Variants in NRG1 observed in about 807,000 individuals in gnomAD.
NRG1 encodes the protein neuregulin 1, also known as pro-neuregulin-1, membrane-bound isoform.
Under a neutral mutation model 63.8 loss-of-function variants are expected in NRG1, and 18 were observed. That is an observed-to-expected ratio of 0.28 (90% CI 0.19 to 0.42). The LOEUF (loss-of-function observed/expected upper bound fraction) is 0.42, where lower values mean the gene tolerates loss of function less well. NRG1 is among the 10% of genes least tolerant of loss of function. The pLI, the probability that NRG1 is intolerant of heterozygous loss-of-function variation, is 1.00. For missense variants in NRG1, 762 were observed against 814.7 expected, an observed-to-expected ratio of 0.94 and a Z score of 0.79; for synonymous variants, 302 against 301.3, an observed-to-expected ratio of 1.00 and a Z score of -0.02.
chr8:32,477,013 T>C (rs1235046201), intron 1 of NRG1, among the ~76,000 whole-genome samples: 3 of 152,122 alleles, frequency 2.0e-5, no homozygotes, highest in Admixed American at 6.5e-5. Flanking sequence ...TGGAAGACAA[T>C]GTATGTAGAT....
At chr8:32,205,490 T>C (rs1456698975) in intron 1 of NRG1, among the ~76,000 whole-genome samples, 2 of 152,146 alleles carry the variant, frequency 1.3e-5, no homozygotes, top group Admixed American at 6.6e-5. Flanking sequence ...AAAACGCAGG[T>C]GTGTTCACCA....
intron 1 of NRG1, among the ~76,000 whole-genome samples, chr8:31,943,904 T>A (rs1009773975): frequency 9.8e-5 from 15 of 152,316 alleles, no homozygotes; most frequent in African/African-American, 3.6e-4. Flanking sequence ...TTGATTTCAA[T>A]CCTCTCACAT....
intron 1 of NRG1, among the ~76,000 whole-genome samples, chr8:31,982,595 A>G (rs1229717988): frequency 6.6e-6 from 1 of 151,998 alleles, no homozygotes; most frequent in Non-Finnish European, 1.5e-5. Flanking sequence ...GTTGGGAATG[A>G]TGACTCGGGA....
chr8:32,548,688 C>T (rs1403215315), exon 1 of NRG1: 1 of 1,553,732 alleles, frequency 6.4e-7, no homozygotes. Flanking sequence ...CTCGCCTGCG[C>T]CGAGAGCCGT....
At chr8:32,661,032 A>G (rs1373953175) in intron 5 of NRG1, among the ~76,000 whole-genome samples, 2 of 152,198 alleles carry the variant, frequency 1.3e-5, no homozygotes, top group Non-Finnish European at 2.9e-5. Context: ...ATGTGTTACC[A>G]TCATACCTGC....
At chr8:32,284,489 GCCTT>G (rs367763292) in intron 1 of NRG1, among the ~76,000 whole-genome samples, 35,726 of 132,146 alleles carry the variant, frequency 0.27, 5,102 homozygotes, top group East Asian at 0.42. Context: ...CTGCCTGCCT[GCCTT>G]CCTTCCTTCC....
At chr8:32,671,148 A>G (rs1167053759) in intron 5 of NRG1, among the ~76,000 whole-genome samples, 1 of 150,252 alleles carries the variant, frequency 6.7e-6, no homozygotes, top group Non-Finnish European at 1.5e-5. Context: ...TTTTTAGCAA[A>G]TTAAAAAAAA....
At chr8:32,656,457 C>T (rs1026572091) in intron 5 of NRG1, among the ~76,000 whole-genome samples, 7 of 152,122 alleles carry the variant, frequency 4.6e-5, no homozygotes, top group African/African-American at 1.2e-4. Context: ...GAAGCCAGTG[C>T]TGTTCTAGAT....
chr8:32,309,422 A>G (rs1856573939), intron 1 of NRG1, among the ~76,000 whole-genome samples: 1 of 152,158 alleles, frequency 6.6e-6, no homozygotes, highest in African/African-American at 2.4e-5. Flanking sequence ...TTCATTGTCT[A>G]AAAAATATAA....
intron 1 of NRG1, among the ~76,000 whole-genome samples, chr8:31,820,242 T>A (rs1447891324): frequency 1.3e-5 from 2 of 152,174 alleles, no homozygotes; most frequent in Admixed American, 6.5e-5. Flanking sequence ...GCAGCAGTGT[T>A]GCACCGCATG....
chr8:32,264,783 A>G (rs1271434924), intron 1 of NRG1, among the ~76,000 whole-genome samples: 1 of 152,122 alleles, frequency 6.6e-6, no homozygotes, highest in African/African-American at 2.4e-5. Context: ...TTACTGCTCT[A>G]TTAGTGGTTC....
At chr8:32,038,941 C>G (rs1344585069) in intron 1 of NRG1, among the ~76,000 whole-genome samples, 1 of 151,902 alleles carries the variant, frequency 6.6e-6, no homozygotes, top group Non-Finnish European at 1.5e-5. Context: ...TGATCTGTAT[C>G]CTCTCAGAAA....
At chr8:32,225,211 A>C (rs1238357727) in intron 1 of NRG1, among the ~76,000 whole-genome samples, 6 of 152,196 alleles carry the variant, frequency 3.9e-5, no homozygotes, top group Non-Finnish European at 4.4e-5. Context: ...GCTTGGCCAA[A>C]TAGTCCTCTA....
At chr8:32,745,752 G>A (rs530722896) in intron 7 of NRG1, among the ~76,000 whole-genome samples, 10 of 151,874 alleles carry the variant, frequency 6.6e-5, no homozygotes, top group Non-Finnish European at 1.3e-4. Flanking sequence ...ACAGATTTTA[G>A]GGAGGAAAAA....
intron 4 of NRG1, among the ~76,000 whole-genome samples, chr8:32,615,009 A>G (rs1847087825): frequency 7.0e-6 from 1 of 143,094 alleles, no homozygotes; most frequent in Non-Finnish European, 1.5e-5. Context: ...ACAAAACAAA[A>G]CAGAACAGAA....
At position 32,330,041 on chromosome 8, in the gene NRG1, T is replaced by TAAAAAAAAA. The variant is rs532006401; in HGVS notation, c.38-265755_38-265747dup. The stretch of plus-strand genomic sequence containing the variant: ...GCATGTGCCTCCACACCTAGCTAAT[T>TAAAAAAAAA]AAAAAAAAAAAAAAAAAAAAAAAAA... On this transcript the variant is annotated intron_variant, in intron 1 of 10. Transcript: ENST00000519301. Among the ~76,000 whole-genome samples, 5 of 43,020 alleles carry TAAAAAAAAA rather than the reference T, an allele frequency of 1.2e-4. 1 individual carries two copies. The highest frequency in any genetic ancestry group is 8.1e-5 in the Non-Finnish European group (2 of 24,754). The allele number at this position is 43,020 out of a possible 152,430, so 28.2% of individuals were successfully genotyped here. A position where few individuals can be genotyped will look rare whatever the true frequency, so the allele number is the denominator to read the frequency against.
chr8:31,952,208 C>A (rs1414406114), intron 1 of NRG1, among the ~76,000 whole-genome samples: 1 of 152,204 alleles, frequency 6.6e-6, no homozygotes, highest in African/African-American at 2.4e-5. Context: ...CCCTTTAGCG[C>A]CTACTAGAAA....
At chr8:31,947,316 A>C (rs1189917886) in intron 1 of NRG1, among the ~76,000 whole-genome samples, 1 of 13,212 alleles carries the variant, frequency 7.6e-5, no homozygotes, top group African/African-American at 1.2e-4. Flanking sequence ...CAAAAAAAAA[A>C]AAAAAAAAAA....
intron 1 of NRG1, among the ~76,000 whole-genome samples, chr8:32,262,385 C>G (rs897205629): frequency 6.6e-6 from 1 of 152,062 alleles, no homozygotes; most frequent in Non-Finnish European, 1.5e-5. Flanking sequence ...GGAGACCCCC[C>G]CAAAAAATGC....
Sources: gnomAD v4.1 joint callset for allele counts (sites outside exome capture counted in the v4.1 genomes callset) on GRCh38, gnomAD v4.1.1 for gene constraint, MANE v1.5 for transcripts, NCBI Gene and HGNC (gene_info 2026-07-23, HGNC 2026-07-21) for gene names.